The following PCDHGB3 variants were observed in gnomAD, a reference collection of about 807,000 sequenced individuals.
PCDHGB3 encodes the protein protocadherin gamma-B3.
In PCDHGB3, 40 loss-of-function variants were observed where a neutral mutation model predicts 59.2. The observed-to-expected ratio is 0.68, with a 90% CI of 0.52 to 0.88. The LOEUF is 0.88. PCDHGB3 is among the 40% of genes least tolerant of loss of function. The probability of loss-of-function intolerance (pLI) is 0.00; values close to 1 mark genes in which losing one functional copy is unlikely to be tolerated. For synonymous variants in PCDHGB3, 581 were observed against 503.6 expected, an observed-to-expected ratio of 1.15 and a Z score of -2.06; for missense variants, 1,309 against 1,187.9, an observed-to-expected ratio of 1.10 and a Z score of -1.50.
Position 141,490,854 on chromosome 5 carries a change from C to T in PCDHGB3, c.2416-3953C>T. On this transcript the variant is annotated intron_variant, in intron 1 of 3. Transcript: ENST00000576222. The surrounding 1 kb of genome is among the most constrained non-coding windows in gnomAD (Gnocchi z 5.4). The stretch of plus-strand genomic sequence containing the variant: ...TGCAGATTGTGGTGGGGGTTCGAGA[C>T]TCCGGCTCTCCCCCATTGCATGCCA... 6.2e-7 allele frequency: 1 copy of T among 1,613,900 alleles called. No homozygotes were observed. The highest frequency in any genetic ancestry group is 8.5e-7 in the Non-Finnish European group (1 of 1,179,914).
intron 1 of PCDHGB3, chr5:141,400,298 A>G (rs2093998591): frequency 6.2e-7 from 1 of 1,613,974 alleles, no homozygotes; most frequent in Non-Finnish European, 8.5e-7. Context: ...AGCTGCTTCC[A>G]ACCTGGTCTC....
intron 1 of PCDHGB3, chr5:141,409,728 C>G (rs13184503): frequency 6.2e-7 from 1 of 1,613,134 alleles, no homozygotes; most frequent in Admixed American, 1.7e-5. Flanking sequence ...TCAGTGAGCG[C>G]GCAGAGCGGG....
Position 141,477,673 on chromosome 5 carries a change from G to A in PCDHGB3, c.2416-17134G>A. The A allele has an allele frequency of 1.2e-6, 2 of 1,614,168 alleles. No individual in the cohort carries two copies. The highest frequency in any genetic ancestry group is 8.5e-7 in the Non-Finnish European group (1 of 1,180,050). ...CAATAAATCGTGACAATGGCATAGT[G>A]TCATCCTTAGTGCCCCTAGACTATG... On this transcript the variant is annotated intron_variant, in intron 1 of 3. Coordinates refer to ENST00000576222, the MANE Select transcript of PCDHGB3 (RefSeq NM_018924.5). This position sits in a 1 kb window ranked among gnomAD's most constrained non-coding sequence, Gnocchi z 4.9.
intron 1 of PCDHGB3, chr5:141,413,526 G>A: frequency 6.2e-7 from 1 of 1,613,936 alleles, no homozygotes; most frequent in Non-Finnish European, 8.5e-7. Context: ...TGGAAGACAG[G>A]GTGAAACTTT....
At chr5:141,467,699 T>A (rs1368755814) in intron 1 of PCDHGB3, among the ~76,000 whole-genome samples, 1 of 152,194 alleles carries the variant, frequency 6.6e-6, no homozygotes, top group Non-Finnish European at 1.5e-5. Context: ...TCTGGCTCTG[T>A]TGCCCAGGCT....
At chr5:141,484,499 A>G (rs567556335) in intron 1 of PCDHGB3, among the ~76,000 whole-genome samples, 20 of 152,344 alleles carry the variant, frequency 1.3e-4, no homozygotes, top group African/African-American at 4.6e-4. Flanking sequence ...CCGTTTCTGA[A>G]TATTCTGCAG....
Position 141,431,485 on chromosome 5 carries a change from T to G in PCDHGB3, c.2415+58676T>G. 2 of 1,613,924 alleles carry G rather than the reference T, an allele frequency of 1.2e-6. No individual in the cohort carries two copies. Among genetic ancestry groups the G allele is most frequent in the Non-Finnish European group, 1.7e-6 (2 of 1,179,990 alleles). ...ATGCGAACGACAACGCACCAGCGTTTGCTCAGCCCGAGTACCGCGCGAGCG... is the reference window on the plus strand; with the variant it reads ...ATGCGAACGACAACGCACCAGCGTTGGCTCAGCCCGAGTACCGCGCGAGCG... On this transcript the variant is annotated intron_variant, in intron 1 of 3. Coordinates refer to ENST00000576222, the MANE Select transcript of PCDHGB3 (RefSeq NM_018924.5). This position sits in a 1 kb window ranked among gnomAD's most constrained non-coding sequence, Gnocchi z 4.8.
chr5:141,478,718 C>T, intron 1 of PCDHGB3: 1 of 1,544,994 alleles, frequency 6.5e-7, no homozygotes, highest in East Asian at 2.4e-5. Context: ...AGATGGTGGC[C>T]TGCCAGAGTG....
intron 1 of PCDHGB3, chr5:141,413,527 G>T (rs768496934): frequency 1.2e-6 from 2 of 1,613,820 alleles, no homozygotes; most frequent in African/African-American, 1.3e-5. Flanking sequence ...GGAAGACAGG[G>T]TGAAACTTTT....
At chr5:141,393,177 G>T (rs1330463387) in intron 1 of PCDHGB3, 1 of 1,613,292 alleles carries the variant, frequency 6.2e-7, no homozygotes, top group Non-Finnish European at 8.5e-7. Context: ...GGTAGAAATA[G>T]AAATAATTGA....
intron 1 of PCDHGB3, among the ~76,000 whole-genome samples, chr5:141,430,358 C>T (rs2097275535): frequency 6.7e-6 from 1 of 149,028 alleles, no homozygotes; most frequent in South Asian, 2.1e-4. Flanking sequence ...TTTAAAAGCT[C>T]ATTGGGGAAA....
rs532361069 is a variant in PCDHGB3, at chr5:141,371,961, G to A, written c.1567G>A (p.Glu523Lys). Reference protein sequence around the residue: ...VVFAQRAFDHEQLRAFELTLQ... With the variant: ...VVFAQRAFDHKQLRAFELTLQ... ...GTTCGCGCAGCGAGCCTTCGACCAC[G>A]AGCAGCTGCGTGCCTTCGAGCTCAC... The change falls in exon 1 of 4, where the codon GAG (glutamate) becomes AAG (lysine). Residue 523 changes from glutamate (E) to lysine (K), a missense_variant. Physicochemically the swap from Glu to Lys is moderately conservative, Grantham distance 56. Transcript: ENST00000576222. 1.1e-5 allele frequency: 18 copies of A among 1,613,240 alleles called. No homozygotes were observed. The highest frequency in any genetic ancestry group is 2.7e-5 in the African/African-American group (2 of 75,072).
At chr5:141,383,867 A>G in intron 1 of PCDHGB3, 3 of 1,614,006 alleles carry the variant, frequency 1.9e-6, no homozygotes, top group Non-Finnish European at 1.7e-6. Context: ...CAGGCTCAAG[A>G]TGGTCCTGGT....
intron 1 of PCDHGB3, among the ~76,000 whole-genome samples, chr5:141,406,071 C>T (rs2094755708): frequency 7.4e-6 from 1 of 134,244 alleles, no homozygotes; most frequent in East Asian, 2.1e-4. Context: ...AATTCTTACT[C>T]CTTTTTTTTT....
chr5:141,411,028 T>C (rs2095458130), intron 1 of PCDHGB3: 1 of 163,058 alleles, frequency 6.1e-6, no homozygotes, highest in Admixed American at 6.2e-5. Flanking sequence ...TTTTTTGTAT[T>C]TTTAGTAGAC....
At position 141,490,155 on chromosome 5, in the gene PCDHGB3, G is replaced by A. The variant is rs753981059; in HGVS notation, c.2416-4652G>A. On this transcript the variant is annotated intron_variant, in intron 1 of 3. Transcript: ENST00000576222. This position sits in a 1 kb window ranked among gnomAD's most constrained non-coding sequence, Gnocchi z 5.4. ...CTAGCAGTGGGGCAATCCATGTGTT[G>A]GGTCCCATAGACTTTGAGGAGTCAC... 2 of 1,614,214 alleles carry A rather than the reference G, an allele frequency of 1.2e-6. No individual in the cohort carries two copies. The highest frequency in any genetic ancestry group is 1.1e-5 in the South Asian group (1 of 91,086).
At chr5:141,410,706 G>A in intron 1 of PCDHGB3, 1 of 1,454,410 alleles carries the variant, frequency 6.9e-7, no homozygotes, top group Non-Finnish European at 9.2e-7. Flanking sequence ...TTCATATCTA[G>A]AATCATATGT....
intron 1 of PCDHGB3, chr5:141,410,195 G>T (rs769655902): frequency 1.2e-6 from 2 of 1,613,966 alleles, no homozygotes; most frequent in East Asian, 4.5e-5. Context: ...TCTGGTCTTC[G>T]CAGACAACTT....
intron 1 of PCDHGB3, chr5:141,394,148 T>C (rs2092927771): frequency 6.2e-7 from 1 of 1,613,768 alleles, no homozygotes; most frequent in African/African-American, 1.3e-5. Context: ...TGGCAGACAT[T>C]AACGACAACC....
Sources: gnomAD v4.1 joint callset for allele counts (sites outside exome capture counted in the v4.1 genomes callset) on GRCh38, gnomAD v4.1.1 for gene constraint, Gnocchi (gnomAD v3.1) non-coding constraint, MANE v1.5 for transcripts, NCBI Gene and HGNC (gene_info 2026-07-23, HGNC 2026-07-21) for gene names.